Variants in SERAC1 observed in about 807,000 individuals in gnomAD.
SERAC1 encodes serine active site containing 1, also known as protein SERAC1.
Under a neutral mutation model 85.7 loss-of-function variants are expected in SERAC1, and 36 were observed. The observed-to-expected ratio is 0.42, with a 90% CI of 0.32 to 0.55. The LOEUF is 0.55. Among genes scored for constraint, SERAC1 ranks in the 20% least tolerant of loss-of-function variants. SERAC1 has a pLI of 0.11. For synonymous variants in SERAC1, 242 were observed against 265.3 expected (o/e 0.91, Z 0.85); for missense variants, 629 against 796.2 (o/e 0.79, Z 2.53).
intron 1 of SERAC1, chr6:158,159,357 G>C (rs1172064967): frequency 1.3e-5 from 2 of 151,688 alleles, no homozygotes; most frequent in Non-Finnish European, 2.9e-5. Flanking sequence ...GAATTAGCCA[G>C]GTGTGGTGGT....
chr6:158,119,412 C>G lies in SERAC1; in HGVS notation c.1167-242G>C, dbSNP rs149958501. ...GACTATTCTAGTCAGGCAGACCAAC[C>G]ACAATCAATTGTAATGAGCTTAGCA... is the stretch of plus-strand genomic sequence containing the variant. On this transcript the variant is annotated intron_variant, in intron 11 of 16. Transcript: ENST00000647468. This position sits in a 1 kb window ranked among gnomAD's most constrained non-coding sequence, Gnocchi z 4.5. Among the ~76,000 whole-genome samples, 1,140 of 152,314 alleles carry G rather than the reference C, an allele frequency of 7.5e-3. 7 individuals are homozygous for G. Among genetic ancestry groups the G allele is most frequent in the Non-Finnish European group, 0.011 (762 of 68,016 alleles).
At position 158,120,748 on chromosome 6, in the gene SERAC1, T is replaced by C. The variant is rs1266596184; in HGVS notation, c.1016-173A>G. ...CTGCCCTACGATCCTCTGAGACCTG[T>C]GGCACAATACCATCCACATACCCCT... is the stretch of plus-strand genomic sequence containing the variant. On this transcript the variant is annotated intron_variant, in intron 10 of 16. Coordinates refer to ENST00000647468, the MANE Select transcript of SERAC1 (RefSeq NM_032861.4). This position sits in a 1 kb window ranked among gnomAD's most constrained non-coding sequence, Gnocchi z 4.4. 4.6e-5 allele frequency among the ~76,000 whole-genome samples: 7 copies of C among 152,206 alleles called. No homozygotes were observed. The East Asian group carries it at 1.3e-3, about 29-fold the overall frequency.
intron 9 of SERAC1, among the ~76,000 whole-genome samples, chr6:158,129,987 C>T (rs1046939017): frequency 7.2e-5 from 11 of 152,156 alleles, no homozygotes; most frequent in Admixed American, 5.9e-4. Flanking sequence ...TGAGCCACCG[C>T]GCCCAGCCTG....
Position 158,119,121 on chromosome 6 carries a change from C to A in SERAC1, c.1216G>T (p.Ala406Ser). The A allele has an allele frequency of 6.2e-7, 1 of 1,613,592 alleles. No individual in the cohort carries two copies. Among genetic ancestry groups the A allele is most frequent in the Non-Finnish European group, 8.5e-7 (1 of 1,179,752 alleles). The change falls in exon 12 of 17, where the codon GCA becomes TCA. Residue 406 changes from alanine to serine, a missense_variant. Transcript: ENST00000647468. This position sits in a 1 kb window ranked among gnomAD's most constrained non-coding sequence, Gnocchi z 4.5. ...VLFIHGLMGA[A>S]FKTWRQQDSE... ...TCCTGCTGGCGCCATGTTTTGAATGCTGCTCCCATAAGGCCATGAATAAAA... is the reference window on the plus strand; with the variant it reads ...TCCTGCTGGCGCCATGTTTTGAATGATGCTCCCATAAGGCCATGAATAAAA...
chr6:158,153,972 A>T (rs1785265140), intron 3 of SERAC1, among the ~76,000 whole-genome samples: 1 of 148,934 alleles, frequency 6.7e-6, no homozygotes, highest in South Asian at 2.1e-4. Context: ...CTCTACTAAA[A>T]ATACAAATAC....
At chr6:158,138,292 T>C (rs1562447116) in intron 8 of SERAC1, among the ~76,000 whole-genome samples, 2 of 151,454 alleles carry the variant, frequency 1.3e-5, no homozygotes, top group Non-Finnish European at 3.0e-5. Flanking sequence ...AAAATTAGCC[T>C]AGTGTGGTGG....
intron 1 of SERAC1, among the ~76,000 whole-genome samples, chr6:158,160,326 T>C (rs1288148571): frequency 6.6e-6 from 1 of 152,212 alleles, no homozygotes; most frequent in Non-Finnish European, 1.5e-5. Context: ...CTTGCTTTCA[T>C]GGATCTGACT....
chr6:158,110,095 A>C lies in SERAC1; in HGVS notation c.*1271T>G, dbSNP rs958308279. On this transcript the variant is annotated 3_prime_UTR_variant, in exon 17 of 17. Coordinates refer to ENST00000647468, the MANE Select transcript of SERAC1 (RefSeq NM_032861.4). Reference sequence around the variant, plus strand: ...TGCACAACTCAGTGAACTATACTAAAAACCAATGAATTGAGCCTGGGAACA... The same window carrying C: ...TGCACAACTCAGTGAACTATACTAACAACCAATGAATTGAGCCTGGGAACA... 2.6e-5 allele frequency: 4 copies of C among 152,232 alleles called. No homozygotes were observed. The highest frequency in any genetic ancestry group is 5.9e-5 in the Non-Finnish European group (4 of 68,042). 9.4% of individuals were successfully genotyped at this position (152,232 alleles called of 1,614,324 possible). A position where few individuals can be genotyped will look rare whatever the true frequency, so the allele number is the denominator to read the frequency against.
At chr6:158,118,106 C>T (rs1784334917) in intron 12 of SERAC1, among the ~76,000 whole-genome samples, 1 of 152,156 alleles carries the variant, frequency 6.6e-6, no homozygotes, top group African/African-American at 2.4e-5. Flanking sequence ...AAGTCTAGAT[C>T]AAGTTGGCTT....
rs769267605 is a variant in SERAC1 at position 158,114,868 on chromosome 6, A to G, written c.1605T>C (p.His535=). ...RGIIFYSVPH[H]GSRLAEYSVN... ...CAGAGTATTCAGCCAAACGTGATCC[A>G]TGATGAGGGACACTATAAAAAATTA... is the stretch of plus-strand genomic sequence containing the variant. Residue 535 remains histidine, a synonymous_variant, in exon 15 of 17, where the codon CAT becomes CAC. Transcript: ENST00000647468. 2 of 1,614,112 alleles carry G rather than the reference A, an allele frequency of 1.2e-6. No individual in the cohort carries two copies. The highest frequency in any genetic ancestry group is 1.7e-6 in the Non-Finnish European group (2 of 1,179,990).
intron 7 of SERAC1, among the ~76,000 whole-genome samples, chr6:158,143,493 G>C (rs1007513783): frequency 6.6e-6 from 1 of 151,810 alleles, no homozygotes; most frequent in African/African-American, 2.4e-5. Context: ...ATTTAATTTT[G>C]AATTCTATAC....
At chr6:158,167,439 G>A (rs1398644178) in intron 1 of SERAC1, among the ~76,000 whole-genome samples, 2 of 150,302 alleles carry the variant, frequency 1.3e-5, no homozygotes, top group Non-Finnish European at 1.5e-5. Context: ...TAGGGAGAAT[G>A]AGGCAGGATA....
chr6:158,151,677 G>A (rs9457119), intron 3 of SERAC1, among the ~76,000 whole-genome samples: 9,216 of 152,060 alleles, frequency 0.061, 944 homozygotes, highest in African/African-American at 0.21. Flanking sequence ...CACCCACCTC[G>A]GCCTCCCAAA....
intron 14 of SERAC1, 117 bp downstream of exon 14, chr6:158,116,067 AG>A (rs748715923): frequency 2.1e-5 from 15 of 728,588 alleles, no homozygotes; most frequent in East Asian, 2.6e-5. Context: ...TTAATTTAGC[AG>A]GGGGGGTAAG....
chr6:158,138,785 A>C (rs1784854426), intron 8 of SERAC1, among the ~76,000 whole-genome samples: 1 of 152,200 alleles, frequency 6.6e-6, no homozygotes, highest in African/African-American at 2.4e-5. Context: ...AGAAGGGATG[A>C]ATACAGATTT....
At chr6:158,140,158 G>A (rs1784882380) in intron 8 of SERAC1, among the ~76,000 whole-genome samples, 1 of 152,190 alleles carries the variant, frequency 6.6e-6, no homozygotes, top group African/African-American at 2.4e-5. Context: ...TCCCTCCAGA[G>A]TGATGAGTGT....
intron 8 of SERAC1, 49 bp from the exon 9 acceptor site, chr6:158,130,535 TTTTG>T: frequency 8.5e-7 from 1 of 1,177,836 alleles, no homozygotes; most frequent in Non-Finnish European, 1.2e-6. Context: ...TGACTAATAT[TTTTG>T]TTTGACAAAA....
chr6:158,112,060 C>T (rs988773146), intron 16 of SERAC1: 1 of 152,434 alleles, frequency 6.6e-6, no homozygotes, highest in African/African-American at 2.4e-5. Context: ...AGAAAAGCCT[C>T]TTGGTGACAG....
intron 10 of SERAC1, among the ~76,000 whole-genome samples, chr6:158,127,344 G>A (rs1368871857): frequency 0.013 from 94 of 7,166 alleles, no homozygotes; most frequent in East Asian, 0.095. Flanking sequence ...CCCTCTGCCC[G>A]GCCAGCCGCC....
Sources: allele counts gnomAD v4.1 joint callset (sites outside exome capture counted in the v4.1 genomes callset), GRCh38; gene constraint gnomAD v4.1.1; non-coding constraint Gnocchi (gnomAD v3.1); transcripts MANE v1.5; gene names NCBI Gene and HGNC (gene_info 2026-07-23, HGNC 2026-07-21).